Variants in NCOA6 observed in about 807,000 individuals in gnomAD.
NCOA6 encodes the protein NRC RAP250.
A neutral mutation model predicts 171.4 loss-of-function variants in NCOA6; 49 were observed. The ratio of observed to expected loss-of-function variants is 0.29; its 90% CI spans 0.23 to 0.36. NCOA6 has a LOEUF of 0.36. Ranked by LOEUF, NCOA6 falls within the 10% of genes least tolerant of loss-of-function variation. The pLI is 1.00. For synonymous variants in NCOA6, 910 were observed against 927.5 expected (o/e 0.98, Z 0.34); for missense variants, 2,248 against 2,554.5 (o/e 0.88, Z 2.59).
chr20:34,730,139 G>C (rs1230310121), intron 13 of NCOA6, among the ~76,000 whole-genome samples: 2 of 151,878 alleles, frequency 1.3e-5, no homozygotes, highest in Non-Finnish European at 2.9e-5. Flanking sequence ...TGCAATCATG[G>C]CTCATTGCAG....
intron 1 of NCOA6, among the ~76,000 whole-genome samples, chr20:34,808,426 C>T (rs1366932398): frequency 6.8e-6 from 1 of 147,838 alleles, no homozygotes. Context: ...GGTTCCCAAA[C>T]TTGTCTGTGC....
At position 34,763,614 on chromosome 20, in the gene NCOA6, G is replaced by A. The variant is rs535815598; in HGVS notation, c.515-4681C>T. Among the ~76,000 whole-genome samples, 13 of 152,170 alleles carry A rather than the reference G, an allele frequency of 8.5e-5. No homozygotes were observed. In the South Asian group the frequency reaches 2.3e-3, roughly 27 times the overall value. Reference sequence around the variant, plus strand: ...GCAATGACTTGGGTTGAGAAAATACGCCCCTCCACAGCTTCAACAGTTATC... The same window carrying A: ...GCAATGACTTGGGTTGAGAAAATACACCCCTCCACAGCTTCAACAGTTATC... On this transcript the variant is annotated intron_variant, in intron 5 of 14. Coordinates refer to ENST00000359003, the MANE Select transcript of NCOA6 (RefSeq NM_014071.5).
Position 34,740,994 on chromosome 20 carries a change from G to A in NCOA6, c.5262C>T (p.Val1754=). 1 of 1,614,208 alleles carries A rather than the reference G, an allele frequency of 6.2e-7. No homozygotes were observed. The highest frequency in any genetic ancestry group is 8.5e-7 in the Non-Finnish European group (1 of 1,180,042). The change falls in exon 11 of 15, where the codon GTC becomes GTT. Residue 1754 remains valine, a synonymous_variant. Coordinates refer to ENST00000359003, the MANE Select transcript of NCOA6 (RefSeq NM_014071.5). The part of the protein sequence containing the change: ...PSPPCTSSPV[V]PSHPPVQQVK... ...CTTGCTGCACAGGGGGATGAGAAGG[G>A]ACAACTGGAGAAGACGTACAAGGAG...
At position 34,757,757 on chromosome 20, in the gene NCOA6, C is replaced by A; in HGVS notation, c.991G>T (p.Ala331Ser). The A allele has an allele frequency of 6.2e-7, 1 of 1,614,136 alleles. No homozygotes were observed. The highest frequency in any genetic ancestry group is 8.5e-7 in the Non-Finnish European group (1 of 1,180,020). The part of the protein sequence containing the change: ...LPSGALQPPP[A>S]QGSLGTMTAN... Reference sequence around the variant, plus strand: ...GTCATTGTGCCCAGAGAACCCTGGGCTGGAGGAGGTTGAAGGGCTCCAGAA... The same window carrying A: ...GTCATTGTGCCCAGAGAACCCTGGGATGGAGGAGGTTGAAGGGCTCCAGAA... The change falls in exon 7 of 15, where the codon GCC becomes TCC. Residue 331 changes from alanine (A) to serine (S), a missense_variant. Physicochemically the swap from Ala to Ser is moderately conservative, Grantham distance 99. This residue lies in a region of NCOA6 where 987 missense variants were observed against 1,104.7 expected (regional missense o/e 0.89). Coordinates refer to ENST00000359003, the MANE Select transcript of NCOA6 (RefSeq NM_014071.5).
intron 1 of NCOA6, chr20:34,821,451 C>T (rs1206372256): frequency 6.6e-6 from 1 of 152,190 alleles, no homozygotes; most frequent in Non-Finnish European, 1.5e-5. Context: ...TTTATGTCTG[C>T]TGACACCTCT....
intron 10 of NCOA6, 54 bp downstream of exon 10, chr20:34,746,753 T>A: frequency 6.7e-7 from 1 of 1,500,252 alleles, no homozygotes; most frequent in Non-Finnish European, 9.0e-7. Flanking sequence ...ATGGAAGCCT[T>A]GTAATGCCAC....
intron 1 of NCOA6, among the ~76,000 whole-genome samples, chr20:34,811,201 G>GTATATACATATATATATA (rs2078648169): frequency 1.9e-5 from 1 of 53,798 alleles, no homozygotes; most frequent in Non-Finnish European, 3.7e-5. Context: ...ACAACAACGT[G>GTATATACATATATATATA]TATATATATA....
chr20:34,738,905 T>C (rs2076043450), intron 11 of NCOA6: 1 of 456,066 alleles, frequency 2.2e-6, no homozygotes, highest in Admixed American at 2.3e-5. Context: ...TGCTTACCAC[T>C]CAGTGGTAGG....
Position 34,741,191 on chromosome 20 carries a change from G to A in NCOA6, c.5065C>T (p.Leu1689=), listed in dbSNP as rs766409894. ...PAAPLTTNSG[L]MPPSVAVVGP... is the part of the protein sequence containing the mutation. Reference sequence around the variant, plus strand: ...ACAACTGCAACAGAGGGAGGCATCAGGCCAGAGTTGGTTGTCAGTGGGGCT... The same window carrying A: ...ACAACTGCAACAGAGGGAGGCATCAAGCCAGAGTTGGTTGTCAGTGGGGCT... The change falls in exon 11 of 15, where the codon CTG becomes TTG. Residue 1689 remains leucine, a synonymous_variant. Coordinates refer to ENST00000359003, the MANE Select transcript of NCOA6 (RefSeq NM_014071.5). 1.9e-6 allele frequency: 3 copies of A among 1,614,124 alleles called. No homozygotes were observed. Among genetic ancestry groups the A allele is most frequent in the Admixed American group, 3.3e-5 (2 of 60,014 alleles).
In NCOA6 at chr20:34,740,462, T is replaced by C. The variant is rs1468029774; in HGVS notation, c.5794A>G (p.Thr1932Ala). The change falls in exon 11 of 15, where the codon ACC becomes GCC. Residue 1932 changes from threonine to alanine, a missense_variant. Transcript: ENST00000359003. ...ATGCCACCATGATTGCTTTTTGTGG[T>C]CGGTACGGCGGAGATGAGCTCGGAG... is the stretch of plus-strand genomic sequence containing the variant. ...VPSELISAVP[T>A]TKSNHGGIAS... 3.1e-6 allele frequency: 5 copies of C among 1,614,134 alleles called. No individual in the cohort carries two copies. The highest frequency in any genetic ancestry group is 4.2e-6 in the Non-Finnish European group (5 of 1,180,034).
At chr20:34,736,526 G>C (rs1055531936) in intron 12 of NCOA6, among the ~76,000 whole-genome samples, 164 bp downstream of exon 12, 9 of 152,182 alleles carry the variant, frequency 5.9e-5, no homozygotes, top group African/African-American at 2.2e-4. Flanking sequence ...ATCTCAAGTA[G>C]AACTGCACAA....
At chr20:34,719,039 A>T (rs2146905694) in intron 14 of NCOA6, among the ~76,000 whole-genome samples, 1 of 152,360 alleles carries the variant, frequency 6.6e-6, no homozygotes, top group African/African-American at 2.4e-5. Flanking sequence ...TCCATGTCTT[A>T]GAACCAACTG....
intron 1 of NCOA6, among the ~76,000 whole-genome samples, chr20:34,806,093 G>A (rs992295024): frequency 6.6e-6 from 1 of 152,046 alleles, no homozygotes; most frequent in Non-Finnish European, 1.5e-5. Flanking sequence ...CATCTTTTTG[G>A]TAATAGCCAC....
In NCOA6 at chr20:34,757,917, T is replaced by C. The variant is rs575791036; in HGVS notation, c.831A>G (p.Gln277=). The C allele has an allele frequency of 2.9e-5, 46 of 1,612,892 alleles. No homozygotes were observed. Among genetic ancestry groups the C allele is most frequent in the Admixed American group, 2.5e-4 (15 of 59,930 alleles). The change falls in exon 7 of 15, where the codon CAA becomes CAG. Residue 277 remains glutamine (Q), a synonymous_variant. Coordinates refer to ENST00000359003, the MANE Select transcript of NCOA6 (RefSeq NM_014071.5). ...ACTGTTGTTGCTGCTGTTGCTGTTG[T>C]TGCTGCTGCTGCTGCTGCTGCTGCT... ...QQQQQQQQQQ[Q]QQQQQQQQLQ...
intron 2 of NCOA6, among the ~76,000 whole-genome samples, 198 bp from the exon 3 acceptor site, chr20:34,782,602 A>C (rs925203386): frequency 6.6e-6 from 1 of 152,206 alleles, no homozygotes; most frequent in Non-Finnish European, 1.5e-5. Context: ...ATAAAAATAC[A>C]CTAGTCTTAA....
At chr20:34,762,001 A>G (rs1044287842) in intron 5 of NCOA6, among the ~76,000 whole-genome samples, 2 of 152,164 alleles carry the variant, frequency 1.3e-5, no homozygotes, top group Non-Finnish European at 2.9e-5. Flanking sequence ...GTATTTTGTT[A>G]TTCAAGCTCT....
chr20:34,775,246 T>G (rs2077273031), intron 4 of NCOA6, among the ~76,000 whole-genome samples: 1 of 152,102 alleles, frequency 6.6e-6, no homozygotes, highest in Non-Finnish European at 1.5e-5. Context: ...CTTCATTCTT[T>G]GAATAATACC....
At chr20:34,737,520 T>C (rs1275131238) in intron 11 of NCOA6, among the ~76,000 whole-genome samples, 1 of 152,258 alleles carries the variant, frequency 6.6e-6, no homozygotes, top group African/African-American at 2.4e-5. Context: ...AGTTAGCAAT[T>C]CTAGGTTGAG....
intron 5 of NCOA6, among the ~76,000 whole-genome samples, chr20:34,763,824 G>C (rs1045954314): frequency 6.6e-6 from 1 of 152,130 alleles, no homozygotes; most frequent in African/African-American, 2.4e-5. Context: ...ATGCCAGAGA[G>C]TGACATTTTC....
Sources: allele counts gnomAD v4.1 joint callset (sites outside exome capture counted in the v4.1 genomes callset), GRCh38; gene constraint gnomAD v4.1.1; regional missense constraint gnomAD v4.1.1; transcripts MANE v1.5; gene names NCBI Gene and HGNC (gene_info 2026-07-23, HGNC 2026-07-21).